DIAPH3: variants seen among roughly 807,000 people sequenced by gnomAD.
The protein encoded by DIAPH3 is diaphanous related formin 3.
Under a neutral mutation model 144.3 loss-of-function variants are expected in DIAPH3, and 117 were observed. The observed-to-expected ratio is 0.81, with a 90% CI of 0.70 to 0.95. The LOEUF (loss-of-function observed/expected upper bound fraction) is 0.95. Ranked by LOEUF, DIAPH3 falls within the 40% of genes least tolerant of loss-of-function variation. The probability of loss-of-function intolerance (pLI) is 0.00; values close to 1 mark genes in which losing one functional copy is unlikely to be tolerated. For missense variants in DIAPH3, 1,421 were observed against 1,412.7 expected, an observed-to-expected ratio of 1.01 and a Z score of -0.09; for synonymous variants, 519 against 488.9, an observed-to-expected ratio of 1.06 and a Z score of -0.81.
At chr13:59,763,877 T>C (rs1249325547) in intron 27 of DIAPH3, among the ~76,000 whole-genome samples, 1 of 152,132 alleles carries the variant, frequency 6.6e-6, no homozygotes, top group African/African-American at 2.4e-5. Context: ...GTAAACATTT[T>C]GTGTGAATAA....
At chr13:59,766,168 C>T (rs1214565323) in intron 27 of DIAPH3, among the ~76,000 whole-genome samples, 2 of 152,178 alleles carry the variant, frequency 1.3e-5, no homozygotes, top group African/African-American at 4.8e-5. Context: ...TGTGGTCACA[C>T]GTGGTGATTA....
At chr13:60,038,407 T>C (rs1301438431) in intron 5 of DIAPH3, among the ~76,000 whole-genome samples, 2 of 152,140 alleles carry the variant, frequency 1.3e-5, no homozygotes, top group Non-Finnish European at 2.9e-5. Context: ...TTTCTGTCTT[T>C]ACACATGTGA....
chr13:60,085,370 A>C (rs983606479), intron 4 of DIAPH3, among the ~76,000 whole-genome samples: 9 of 152,070 alleles, frequency 5.9e-5, no homozygotes, highest in Admixed American at 3.9e-4. Context: ...AAATTCTGTC[A>C]ATTCCTGGTC....
chr13:59,868,355 A>G (rs1377476649), intron 21 of DIAPH3, among the ~76,000 whole-genome samples: 1 of 152,164 alleles, frequency 6.6e-6, no homozygotes, highest in Non-Finnish European at 1.5e-5. Flanking sequence ...AAATGGACCA[A>G]ATACATTAAT....
At chr13:59,792,495 T>C (rs1349392154) in intron 25 of DIAPH3, among the ~76,000 whole-genome samples, 2 of 152,150 alleles carry the variant, frequency 1.3e-5, no homozygotes, top group African/African-American at 4.8e-5. Context: ...GTCCTAAGAG[T>C]TCCTTGACCT....
At chr13:59,748,059 C>A (rs1000428227) in intron 27 of DIAPH3, among the ~76,000 whole-genome samples, 5 of 152,184 alleles carry the variant, frequency 3.3e-5, no homozygotes, top group African/African-American at 1.2e-4. Flanking sequence ...GGTTTTTACA[C>A]TGGAAGACTA....
chr13:60,010,501 T>C, intron 8 of DIAPH3, 32 bp downstream of exon 8: 2 of 1,525,224 alleles, frequency 1.3e-6, no homozygotes, highest in Non-Finnish European at 1.8e-6. Context: ...TAAATTATTA[T>C]ATAATTAGGG....
chr13:59,787,476 G>A (rs1227633000), intron 25 of DIAPH3, among the ~76,000 whole-genome samples: 2 of 152,210 alleles, frequency 1.3e-5, no homozygotes, highest in Admixed American at 6.5e-5. Context: ...AGGACTTTGT[G>A]AGGCCAAGGA....
At chr13:59,994,654 A>G (rs1373724055) in intron 9 of DIAPH3, among the ~76,000 whole-genome samples, 12 of 151,934 alleles carry the variant, frequency 7.9e-5, no homozygotes, top group Admixed American at 7.9e-4. Context: ...AAGGATTAAT[A>G]AAATGGCCTG....
At position 60,129,847 on chromosome 13, in the gene DIAPH3, A is replaced by T. The variant is rs191371637; in HGVS notation, c.213+3110T>A. On this transcript the variant is annotated intron_variant, in intron 2 of 27. Coordinates refer to ENST00000400324, the MANE Select transcript of DIAPH3 (RefSeq NM_001042517.2). ...TAAAGAGCCCTCAAAATATCCAGCT[A>T]CCCTTTCCCTTCTCACAACTCTGCA... is the stretch of plus-strand genomic sequence containing the variant. Among the ~76,000 whole-genome samples the T allele has an allele frequency of 2.3e-3, 348 of 152,244 alleles. 3 individuals are homozygous for T. The highest frequency in any genetic ancestry group is 8.1e-3 in the African/African-American group (335 of 41,540).
intron 27 of DIAPH3, among the ~76,000 whole-genome samples, chr13:59,735,568 AAG>A (rs2036101859): frequency 1.3e-5 from 2 of 152,150 alleles, no homozygotes; most frequent in Non-Finnish European, 2.9e-5. Flanking sequence ...TGAGAGGGAG[AAG>A]AGAAGGGAAT....
intron 4 of DIAPH3, among the ~76,000 whole-genome samples, chr13:60,046,665 A>AT (rs2056082905): frequency 6.6e-6 from 1 of 152,214 alleles, no homozygotes; most frequent in African/African-American, 2.4e-5. Context: ...ATAAAGACAC[A>AT]TGCACACGTA....
rs182782745 is a variant in DIAPH3, at chr13:60,136,218, T to C, written c.181-3229A>G. Among the ~76,000 whole-genome samples the C allele has an allele frequency of 3.9e-5, 6 of 152,318 alleles. No individual in the cohort carries two copies. The East Asian group carries it at 1.2e-3, about 29-fold the overall frequency. On this transcript the variant is annotated intron_variant, in intron 1 of 27. Coordinates refer to ENST00000400324, the MANE Select transcript of DIAPH3 (RefSeq NM_001042517.2). ...GAAAAAACTTTGTAACACAAAAATA[T>C]TGATTTTATGGTGGTACTTGAGGTA...
chr13:59,917,889 CAAAA>C (rs60792156), intron 18 of DIAPH3, among the ~76,000 whole-genome samples: 45 of 18,624 alleles, frequency 2.4e-3, no homozygotes, highest in East Asian at 0.011. Flanking sequence ...GACTCTGTCT[CAAAA>C]AAAAAAAAAA....
intron 2 of DIAPH3, among the ~76,000 whole-genome samples, chr13:60,120,945 AATAG>A (rs2058829750): frequency 6.6e-6 from 1 of 152,234 alleles, no homozygotes; most frequent in Non-Finnish European, 1.5e-5. Context: ...GTTATATAGC[AATAG>A]ATAATTACAG....
chr13:60,074,926 A>C (rs2057330055), intron 4 of DIAPH3, among the ~76,000 whole-genome samples: 1 of 152,210 alleles, frequency 6.6e-6, no homozygotes, highest in East Asian at 1.9e-4. Context: ...CATTTCACAC[A>C]GTGCTGCAAG....
At chr13:60,144,869 AC>A (rs1400255568) in intron 1 of DIAPH3, 1 of 152,036 alleles carries the variant, frequency 6.6e-6, no homozygotes, top group African/African-American at 2.4e-5. Context: ...TAGAGGTGCT[AC>A]TCTTGTGTAT....
At chr13:59,861,564 A>G (rs1401441772) in intron 21 of DIAPH3, 28 bp from the exon 22 acceptor site, 9 of 1,602,504 alleles carry the variant, frequency 5.6e-6, no homozygotes, top group Non-Finnish European at 6.8e-6. Flanking sequence ...GAGAAAAAAC[A>G]CAGAGTCATA....
chr13:59,855,075 G>A (rs1276621035), intron 22 of DIAPH3, among the ~76,000 whole-genome samples: 2 of 152,034 alleles, frequency 1.3e-5, no homozygotes, highest in African/African-American at 4.8e-5. Context: ...AGTGATTTTT[G>A]GGACATTCTC....
Sources: allele counts gnomAD v4.1 joint callset (sites outside exome capture counted in the v4.1 genomes callset), GRCh38; gene constraint gnomAD v4.1.1; transcripts MANE v1.5; gene names NCBI Gene and HGNC (gene_info 2026-07-23, HGNC 2026-07-21).